The following GRID2 variants were observed in gnomAD, a reference collection of about 807,000 sequenced individuals.
GRID2 encodes glutamate receptor ionotropic, delta-2.
GRID2 carries 33 observed loss-of-function variants against 114.8 expected under a neutral mutation model. The ratio of observed to expected loss-of-function variants is 0.29; its 90% CI spans 0.22 to 0.38. The LOEUF (loss-of-function observed/expected upper bound fraction) is 0.38, where lower values mean the gene tolerates loss of function less well. Among genes scored for constraint, GRID2 ranks in the 10% least tolerant of loss-of-function variants. GRID2 has a pLI of 1.00. For missense variants in GRID2, 1,184 were observed against 1,257.7 expected (o/e 0.94, Z 0.89); for synonymous variants, 505 against 449.9 (o/e 1.12, Z -1.55).
chr4:93,076,671 G>A (rs948411155), intron 2 of GRID2, among the ~76,000 whole-genome samples: 14 of 137,220 alleles, frequency 1.0e-4, no homozygotes, highest in Non-Finnish European at 2.1e-4. Context: ...AGGCTGGAGT[G>A]CAATGGCGCA....
intron 2 of GRID2, among the ~76,000 whole-genome samples, chr4:92,997,586 G>A (rs139315587): frequency 8.1e-4 from 123 of 152,310 alleles, no homozygotes; most frequent in African/African-American, 2.2e-3. Context: ...AGTTGAAGAG[G>A]ATATGGATTG....
At position 92,397,342 on chromosome 4, in the gene GRID2, A is replaced by ATGTGTGTGTG. The variant is rs58085283; in HGVS notation, c.88+92632_88+92641dup. 6.5e-3 allele frequency among the ~76,000 whole-genome samples: 927 copies of ATGTGTGTGTG among 142,766 alleles called. 7 individuals carry two copies. The highest frequency in any genetic ancestry group is 0.023 in the African/African-American group (862 of 38,210). The allele number at this position is 142,766 out of a possible 152,430, so 93.7% of individuals were successfully genotyped here. A position where few individuals can be genotyped will look rare whatever the true frequency, so the allele number is the denominator to read the frequency against. On this transcript the variant is annotated intron_variant, in intron 1 of 15. Coordinates refer to ENST00000282020, the MANE Select transcript of GRID2 (RefSeq NM_001510.4). ...TTATAATAAAACTCTGTGTGTTTGT[A>ATGTGTGTGTG]TGTGTGTGTGTGTGTGTGTGTGTGT... is the stretch of plus-strand genomic sequence containing the variant.
intron 4 of GRID2, among the ~76,000 whole-genome samples, chr4:93,185,151 T>C (rs1447557860): frequency 6.6e-6 from 1 of 152,208 alleles, no homozygotes; most frequent in Non-Finnish European, 1.5e-5. Context: ...AGTGAATTTT[T>C]ATATCTCTGT....
At chr4:92,864,403 A>C (rs1182427206) in intron 2 of GRID2, among the ~76,000 whole-genome samples, 1 of 152,196 alleles carries the variant, frequency 6.6e-6, no homozygotes, top group African/African-American at 2.4e-5. Flanking sequence ...AATGTGCTAC[A>C]TGTGGTGTGG....
chr4:92,451,093 C>T (rs946169269), intron 1 of GRID2, among the ~76,000 whole-genome samples: 3 of 152,036 alleles, frequency 2.0e-5, no homozygotes, highest in African/African-American at 7.2e-5. Context: ...CACTTAGGTT[C>T]TGCCCCAGGC....
chr4:93,603,177 T>A (rs2149644633), intron 13 of GRID2, among the ~76,000 whole-genome samples: 1 of 151,854 alleles, frequency 6.6e-6, no homozygotes, highest in East Asian at 1.9e-4. Context: ...GCCATTGCAC[T>A]CCAGCCTAGG....
intron 12 of GRID2, among the ~76,000 whole-genome samples, chr4:93,498,511 A>G (rs1317879852): frequency 2.0e-5 from 3 of 151,886 alleles, no homozygotes; most frequent in African/African-American, 7.2e-5. Context: ...TCACATATTC[A>G]TTACTAGGAT....
intron 2 of GRID2, among the ~76,000 whole-genome samples, chr4:92,862,292 T>C (rs1744582778): frequency 6.6e-6 from 1 of 152,102 alleles, no homozygotes; most frequent in African/African-American, 2.4e-5. Flanking sequence ...TGCAAATTAA[T>C]TGACAAACTT....
At chr4:92,413,392 T>C (rs1372281249) in intron 1 of GRID2, among the ~76,000 whole-genome samples, 1 of 152,158 alleles carries the variant, frequency 6.6e-6, no homozygotes, top group African/African-American at 2.4e-5. Flanking sequence ...CCATTGGTAA[T>C]GTGAGTGATG....
chr4:92,723,216 A>G (rs1461025268), intron 2 of GRID2, among the ~76,000 whole-genome samples: 1 of 152,136 alleles, frequency 6.6e-6, no homozygotes. Context: ...CAATCAGAGT[A>G]TGACATGAGT....
chr4:93,455,246 C>A (rs1023007399), intron 10 of GRID2, among the ~76,000 whole-genome samples: 2 of 151,956 alleles, frequency 1.3e-5, no homozygotes, highest in East Asian at 3.9e-4. Flanking sequence ...AAATAGCCCA[C>A]CTAGTAATTT....
At chr4:93,678,371 C>T (rs368021607) in intron 14 of GRID2, among the ~76,000 whole-genome samples, 2 of 152,096 alleles carry the variant, frequency 1.3e-5, no homozygotes, top group African/African-American at 4.8e-5. Context: ...TTATCCAGGA[C>T]AACTTCCCCA....
intron 8 of GRID2, among the ~76,000 whole-genome samples, chr4:93,245,089 A>G (rs957760799): frequency 2.7e-4 from 41 of 152,112 alleles, no homozygotes; most frequent in African/African-American, 8.7e-4. Flanking sequence ...TTCTATGTGT[A>G]TATGTAAATA....
intron 9 of GRID2, among the ~76,000 whole-genome samples, chr4:93,404,588 G>C (rs900981895): frequency 6.6e-6 from 1 of 152,050 alleles, no homozygotes; most frequent in Admixed American, 6.6e-5. Context: ...CAAATAACTA[G>C]TACATGCAAA....
intron 12 of GRID2, among the ~76,000 whole-genome samples, chr4:93,502,708 C>A (rs981925812): frequency 9.6e-6 from 1 of 104,076 alleles, no homozygotes; most frequent in Non-Finnish European, 1.9e-5. Flanking sequence ...CTCCTCCACT[C>A]CCCCCCCCCA....
intron 13 of GRID2, among the ~76,000 whole-genome samples, chr4:93,566,992 G>A (rs1578277308): frequency 6.6e-6 from 1 of 152,142 alleles, no homozygotes; most frequent in African/African-American, 2.4e-5. Flanking sequence ...GGGGTGGTCA[G>A]CAGAGCAGCA....
intron 2 of GRID2, among the ~76,000 whole-genome samples, chr4:92,629,688 A>G (rs1730694187): frequency 6.6e-6 from 1 of 151,982 alleles, no homozygotes; most frequent in Non-Finnish European, 1.5e-5. Flanking sequence ...TGGGTTCTAC[A>G]CATGTATAAA....
intron 2 of GRID2, among the ~76,000 whole-genome samples, chr4:92,636,237 A>G (rs1402888465): frequency 6.6e-6 from 1 of 151,958 alleles, no homozygotes; most frequent in Admixed American, 6.6e-5. Flanking sequence ...CAGGATTCCA[A>G]GGCAGCACTC....
At chr4:92,917,911 G>C (rs1175450711) in intron 2 of GRID2, among the ~76,000 whole-genome samples, 1 of 152,114 alleles carries the variant, frequency 6.6e-6, no homozygotes, top group Non-Finnish European at 1.5e-5. Context: ...GCTTAATGGG[G>C]ATGGCATTGA....
Sources: allele counts gnomAD v4.1 joint callset (sites outside exome capture counted in the v4.1 genomes callset), GRCh38; gene constraint gnomAD v4.1.1; transcripts MANE v1.5; gene names NCBI Gene and HGNC (gene_info 2026-07-23, HGNC 2026-07-21).